TCN2: variants seen among roughly 807,000 people sequenced by gnomAD.
The protein encoded by TCN2 is transcobalamin-2.
A neutral mutation model predicts 48.6 loss-of-function variants in TCN2; 34 were observed. The observed-to-expected ratio is 0.70, with a 90% CI of 0.53 to 0.93. TCN2 has a LOEUF of 0.93. Among genes scored for constraint, TCN2 ranks in the 40% least tolerant of loss-of-function variants. The probability of loss-of-function intolerance (pLI) is 0.00; values close to 1 mark genes in which losing one functional copy is unlikely to be tolerated. For synonymous variants in TCN2, 283 were observed against 212.5 expected, an observed-to-expected ratio of 1.33 and a Z score of -2.89; for missense variants, 652 against 526.1, an observed-to-expected ratio of 1.24 and a Z score of -2.34.
In TCN2 at chr22:30,615,709, A is replaced by G. The variant is rs755104359; in HGVS notation, c.862A>G (p.Met288Val). The change falls in exon 6 of 9, where the codon ATG becomes GTG. Residue 288 changes from methionine to valine, a missense_variant. Coordinates refer to ENST00000215838, the MANE Select transcript of TCN2 (RefSeq NM_000355.4). ...GGATGGAGCCTTCCAGAATGCTCTC[A>G]TGATTTCCCAGCTGCTGCCCGTTCT... is the stretch of plus-strand genomic sequence containing the variant. ...LQDGAFQNAL[M>V]ISQLLPVLNH... 4.3e-6 allele frequency: 7 copies of G among 1,614,096 alleles called. No homozygotes were observed. In the Admixed American group the frequency reaches 1.0e-4, roughly 23 times the overall value.
chr22:30,620,340 C>G (rs1168612234), intron 7 of TCN2, among the ~76,000 whole-genome samples: 1 of 152,144 alleles, frequency 6.6e-6, no homozygotes, highest in Non-Finnish European at 1.5e-5. Context: ...CTATAAATCC[C>G]CAACAACTTT....
intron 2 of TCN2, 112 bp downstream of exon 2, chr22:30,611,175 C>T (rs2087535159): frequency 7.5e-7 from 1 of 1,334,352 alleles, no homozygotes. Flanking sequence ...GGCAAATTTT[C>T]TCCATCTATA....
At chr22:30,617,146 G>T (rs2087622761) in intron 6 of TCN2, among the ~76,000 whole-genome samples, 184 bp from the exon 7 acceptor site, 1 of 151,352 alleles carries the variant, frequency 6.6e-6, no homozygotes, top group Non-Finnish European at 1.5e-5. Context: ...AGGTGGTGGG[G>T]AATGAGGGAC....
intron 1 of TCN2, among the ~76,000 whole-genome samples, 192 bp downstream of exon 1, chr22:30,607,587 T>G (rs1038318621): frequency 1.4e-4 from 21 of 152,224 alleles, no homozygotes; most frequent in African/African-American, 4.8e-4. Context: ...AGATCTCCGT[T>G]AATTCAGTCA....
chr22:30,617,240 G>C, intron 6 of TCN2, 90 bp from the exon 7 acceptor site: 1 of 1,565,416 alleles, frequency 6.4e-7, no homozygotes. Flanking sequence ...GAAGGACAAA[G>C]TCCAGGTGTC....
Position 30,615,800 on chromosome 22 carries a change from T to C in TCN2, c.940+13T>C. The C allele has an allele frequency of 1.9e-6, 3 of 1,614,134 alleles. No homozygotes were observed. Among genetic ancestry groups the C allele is most frequent in the Non-Finnish European group, 2.5e-6 (3 of 1,180,002 alleles). ...CTGGCACCACGAGGTAGCCCAACTT[T>C]TTGTGGAAGCACAGCCCTTTACAAT... On this transcript the variant is annotated intron_variant, in intron 6 of 8. Coordinates refer to ENST00000215838, the MANE Select transcript of TCN2 (RefSeq NM_000355.4).
At chr22:30,623,795 T>TACACATATATAC (rs2087741365) in intron 8 of TCN2, among the ~76,000 whole-genome samples, 1 of 3,746 alleles carries the variant, frequency 2.7e-4, no homozygotes, top group Non-Finnish European at 3.7e-4. Context: ...TATACATATA[T>TACACATATATAC]ACACACATAC....
chr22:30,623,857 C>CATAT (rs1257847228), intron 8 of TCN2, among the ~76,000 whole-genome samples: 2 of 24,078 alleles, frequency 8.3e-5, no homozygotes, highest in South Asian at 6.0e-4. Flanking sequence ...CATACACATA[C>CATAT]ATACACACAT....
chr22:30,617,671 T>G, intron 7 of TCN2, 176 bp downstream of exon 7: 1 of 833,002 alleles, frequency 1.2e-6, no homozygotes, highest in Non-Finnish European at 1.9e-6. Flanking sequence ...CAGGGAGCCA[T>G]AGGCCAGCAT....
In TCN2 at chr22:30,612,959, A is replaced by C; in HGVS notation, c.344A>C (p.Asn115Thr). The C allele has an allele frequency of 2.5e-6, 4 of 1,614,210 alleles. No individual in the cohort carries two copies. The highest frequency in any genetic ancestry group is 3.4e-6 in the Non-Finnish European group (4 of 1,180,036). ...LALYLLALRA[N>T]CEFVRGHKGD... ...CTCTACCTGCTCGCTCTCAGAGCCA[A>C]CTGTGAGTTTGTCAGGGGCCACAAG... The change falls in exon 3 of 9, where the codon AAC (asparagine) becomes ACC (threonine). Residue 115 changes from asparagine (N) to threonine (T), a missense_variant. Coordinates refer to ENST00000215838, the MANE Select transcript of TCN2 (RefSeq NM_000355.4).
In TCN2 at chr22:30,610,904, A is replaced by G; in HGVS notation, c.98A>G (p.Lys33Arg). ...IPEMDSHLVE[K>R]LGQHLLPWMD... The stretch of plus-strand genomic sequence containing the variant: ...GAGATGGACAGCCATCTGGTAGAGA[A>G]GTTGGGCCAGCACCTCTTACCTTGG... Residue 33 changes from lysine (K) to arginine (R), a missense_variant, in exon 2 of 9, where the codon AAG (lysine) becomes AGG (arginine). Coordinates refer to ENST00000215838, the MANE Select transcript of TCN2 (RefSeq NM_000355.4). The G allele has an allele frequency of 1.9e-6, 3 of 1,614,174 alleles. No individual in the cohort carries two copies. The highest frequency in any genetic ancestry group is 8.5e-7 in the Non-Finnish European group (1 of 1,180,028).
chr22:30,608,914 G>C (rs369321737), intron 1 of TCN2, among the ~76,000 whole-genome samples: 4 of 152,262 alleles, frequency 2.6e-5, no homozygotes, highest in African/African-American at 9.6e-5. Context: ...GGGGAATCTT[G>C]AACTGGGGTT....
rs72558389 is a variant in TCN2 at position 30,622,700 on chromosome 22, C to G, written c.1107-268C>G. Among the ~76,000 whole-genome samples, 188 of 152,340 alleles carry G rather than the reference C, an allele frequency of 1.2e-3. 1 individual carries two copies. The highest frequency in any genetic ancestry group is 4.1e-3 in the African/African-American group (169 of 41,584). ...CCCCAGAGAGGGGACAACTGCTGAG[C>G]TGATAACATAATAGATGCCCCTTTC... is the stretch of plus-strand genomic sequence containing the variant. On this transcript the variant is annotated intron_variant, in intron 7 of 8. Coordinates refer to ENST00000215838, the MANE Select transcript of TCN2 (RefSeq NM_000355.4).
intron 8 of TCN2, among the ~76,000 whole-genome samples, chr22:30,625,762 C>G (rs2087798435): frequency 6.6e-6 from 1 of 152,168 alleles, no homozygotes; most frequent in Admixed American, 6.5e-5. Context: ...CCCTGCTCGG[C>G]CTATAATGGC....
chr22:30,621,308 C>G (rs1016250855), intron 7 of TCN2, among the ~76,000 whole-genome samples: 1 of 151,810 alleles, frequency 6.6e-6, no homozygotes. Flanking sequence ...TTCTTAAAAC[C>G]AAAAAAATCC....
chr22:30,612,678 A>G (rs1197280793), intron 2 of TCN2, among the ~76,000 whole-genome samples, 195 bp from the exon 3 acceptor site: 4 of 152,214 alleles, frequency 2.6e-5, no homozygotes, highest in Non-Finnish European at 4.4e-5. Context: ...TCTTGAATCT[A>G]ACTGTTCATC....
At chr22:30,624,076 ATATATT>A (rs1569047339) in intron 8 of TCN2, among the ~76,000 whole-genome samples, 1,991 of 97,680 alleles carry the variant, frequency 0.02, 581 homozygotes, top group African/African-American at 0.025. Context: ...ATATATATAT[ATATATT>A]TTTTTTTTTT....
chr22:30,623,967 C>CACACATATATATGTATACATATAT lies in TCN2; in HGVS notation c.1222+890_1222+913dup. The stretch of plus-strand genomic sequence containing the variant: ...ACACACATATGTATACATATATACA[C>CACACATATATATGTATACATATAT]ACACATATATATGTATACATATATA... On this transcript the variant is annotated intron_variant, in intron 8 of 8. Coordinates refer to ENST00000215838, the MANE Select transcript of TCN2 (RefSeq NM_000355.4). Among the ~76,000 whole-genome samples, 3 of 111,774 alleles carry CACACATATATATGTATACATATAT rather than the reference C, an allele frequency of 2.7e-5. 1 individual carries two copies. The highest frequency in any genetic ancestry group is 9.5e-5 in the African/African-American group (2 of 20,946). The allele number at this position is 111,774 out of a possible 152,430, so 73.3% of individuals were successfully genotyped here.
chr22:30,613,688 C>T (rs2087572413), intron 3 of TCN2, among the ~76,000 whole-genome samples: 1 of 152,182 alleles, frequency 6.6e-6, no homozygotes, highest in African/African-American at 2.4e-5. Context: ...TCTACTAGCT[C>T]TCCTGCCCTG....
Sources: gnomAD v4.1 joint callset for allele counts (sites outside exome capture counted in the v4.1 genomes callset) on GRCh38, gnomAD v4.1.1 for gene constraint, MANE v1.5 for transcripts, NCBI Gene and HGNC (gene_info 2026-07-23, HGNC 2026-07-21) for gene names.